Variants in SETD5 observed in about 807,000 individuals in gnomAD.
The protein encoded by SETD5 is histone-lysine N-methyltransferase SETD5.
SETD5 carries 44 observed loss-of-function variants against 153.3 expected under a neutral mutation model. That is an observed-to-expected ratio of 0.29 (90% CI 0.23 to 0.37). The LOEUF is 0.37. SETD5 is among the 10% of genes least tolerant of loss of function. The pLI, the probability that SETD5 is intolerant of heterozygous loss-of-function variation, is 1.00. For missense variants in SETD5, 1,544 were observed against 1,768.0 expected (o/e 0.87, Z 2.27); for synonymous variants, 716 against 645.2 (o/e 1.11, Z -1.66).
At chr3:9,407,195 G>A (rs150375249) in intron 1 of SETD5, among the ~76,000 whole-genome samples, 1 of 152,250 alleles carries the variant, frequency 6.6e-6, no homozygotes, top group East Asian at 1.9e-4. Context: ...GGGCATGGTG[G>A]TGCGAGCTTG....
chr3:9,430,971 A>G (rs1559392440), intron 3 of SETD5: 1 of 985,342 alleles, frequency 1.0e-6, no homozygotes, highest in East Asian at 1.1e-4. Context: ...AAGGGAAAGA[A>G]TGTCAGTAAC....
intron 18 of SETD5, among the ~76,000 whole-genome samples, chr3:9,469,551 T>C (rs2045050895): frequency 6.6e-6 from 1 of 152,212 alleles, no homozygotes; most frequent in South Asian, 2.1e-4. Context: ...ATATTAGAGA[T>C]TTTCTTGGTG....
At chr3:9,404,105 T>C (rs996043929) in intron 1 of SETD5, among the ~76,000 whole-genome samples, 1 of 152,204 alleles carries the variant, frequency 6.6e-6, no homozygotes, top group Non-Finnish European at 1.5e-5. Context: ...ATTTGTTGCT[T>C]GGGTTGAGGT....
chr3:9,453,175 CTTG>C (rs1246952794), intron 16 of SETD5, among the ~76,000 whole-genome samples: 1 of 151,994 alleles, frequency 6.6e-6, no homozygotes, highest in African/African-American at 2.4e-5. Flanking sequence ...AACCAAACTA[CTTG>C]TTGGAGGGGG....
chr3:9,472,628 T>G (rs936176106), intron 19 of SETD5, among the ~76,000 whole-genome samples: 6 of 152,212 alleles, frequency 3.9e-5, no homozygotes, highest in African/African-American at 1.2e-4. Flanking sequence ...TCTTGAAAAT[T>G]TGAACATATT....
chr3:9,441,838 G>A, intron 9 of SETD5, 97 bp downstream of exon 9: 2 of 1,470,300 alleles, frequency 1.4e-6, no homozygotes, highest in Admixed American at 1.9e-5. Context: ...GCTCTTGGGA[G>A]AAAAAAATCA....
In SETD5 at chr3:9,445,962, G is replaced by GTTTT. The variant is rs1432231015; in HGVS notation, c.1524+224_1524+225insTTTT. Among the ~76,000 whole-genome samples the GTTTT allele has an allele frequency of 2.5e-4, 30 of 120,238 alleles. 4 individuals carry two copies. The highest frequency in any genetic ancestry group is 1.7e-3 in the South Asian group (7 of 4,090). The allele number at this position is 120,238 out of a possible 152,430, so 78.9% of individuals were successfully genotyped here. A position where few individuals can be genotyped will look rare whatever the true frequency, so the allele number is the denominator to read the frequency against. On this transcript the variant is annotated intron_variant, in intron 13 of 22. Coordinates refer to ENST00000402198, the MANE Select transcript of SETD5 (RefSeq NM_001080517.3). ...TATTATCTAGTGATGGTTTGAAGAGGTTGTTTTTTTTTTTTTTTTTTTTTT... is the reference window on the plus strand; with the variant it reads ...TATTATCTAGTGATGGTTTGAAGAGGTTTTTTGTTTTTTTTTTTTTTTTTTTTTT...
chr3:9,466,002 A>G (rs1369172368), intron 18 of SETD5, among the ~76,000 whole-genome samples: 1 of 152,114 alleles, frequency 6.6e-6, no homozygotes, highest in African/African-American at 2.4e-5. Flanking sequence ...TGAAAATTAG[A>G]AGGAGGCCGG....
Position 9,447,350 on chromosome 3 carries a change from T to C in SETD5, c.1782+43T>C, listed in dbSNP as rs200874041. ...TTCAGCACTTAGACATCCTCACCTT[T>C]GCTAATGTCAATACCTAACTTTTGG... On this transcript the variant is annotated intron_variant, in intron 14 of 22. Coordinates refer to ENST00000402198, the MANE Select transcript of SETD5 (RefSeq NM_001080517.3). The C allele has an allele frequency of 7.1e-5, 111 of 1,572,474 alleles. No homozygotes were observed. The African/African-American group carries it at 1.4e-3, about 19-fold the overall frequency.
chr3:9,430,449 G>A, intron 3 of SETD5: 1 of 681,260 alleles, frequency 1.5e-6, no homozygotes, highest in Non-Finnish European at 1.8e-6. Context: ...TGTTTGTTTT[G>A]TTTTGTTTGC....
At chr3:9,467,427 C>T (rs1251352024) in intron 18 of SETD5, among the ~76,000 whole-genome samples, 1 of 151,962 alleles carries the variant, frequency 6.6e-6, no homozygotes. Flanking sequence ...CCTCTCCTTT[C>T]TACCAGAATA....
At chr3:9,435,278 C>G (rs11921561) in intron 6 of SETD5, among the ~76,000 whole-genome samples, 8,932 of 147,706 alleles carry the variant, frequency 0.06, 911 homozygotes, top group African/African-American at 0.21. Flanking sequence ...ACCCCTCTTA[C>G]AAGTTCCCAT....
At chr3:9,409,760 T>C (rs911328935) in intron 1 of SETD5, among the ~76,000 whole-genome samples, 1 of 152,236 alleles carries the variant, frequency 6.6e-6, no homozygotes, top group East Asian at 1.9e-4. Flanking sequence ...TTTATTTCTT[T>C]TTAAAAATAT....
chr3:9,463,263 C>T (rs1035106663), intron 17 of SETD5, among the ~76,000 whole-genome samples: 2 of 152,182 alleles, frequency 1.3e-5, no homozygotes, highest in African/African-American at 4.8e-5. Context: ...CTTAAGTGAT[C>T]TGCCTGCCTC....
chr3:9,442,383 A>G (rs1283135285), intron 10 of SETD5, 138 bp downstream of exon 10: 5 of 666,394 alleles, frequency 7.5e-6, no homozygotes, highest in Non-Finnish European at 1.1e-5. Flanking sequence ...GTGAAAAACA[A>G]AAGTAATGGT....
chr3:9,466,305 A>G lies in SETD5; in HGVS notation c.2724+1633A>G, dbSNP rs78543676. On this transcript the variant is annotated intron_variant, in intron 18 of 22. Transcript: ENST00000402198. ...TCCGTCTCAAAAAAAAAAAAAAAAA[A>G]AAAAGAAAATCAGAAGGTAAGTCAC... Among the ~76,000 whole-genome samples, 422 of 151,546 alleles carry G rather than the reference A, an allele frequency of 2.8e-3. 1 individual carries two copies. The highest frequency in any genetic ancestry group is 4.2e-3 in the Non-Finnish European group (286 of 67,930).
At chr3:9,472,671 T>C (rs1227600238) in intron 19 of SETD5, among the ~76,000 whole-genome samples, 1 of 152,162 alleles carries the variant, frequency 6.6e-6, no homozygotes, top group East Asian at 1.9e-4. Flanking sequence ...TTTTCTTCTG[T>C]TTTGTTTTGT....
intron 18 of SETD5, among the ~76,000 whole-genome samples, chr3:9,465,501 C>G (rs1394664667): frequency 1.3e-5 from 2 of 152,176 alleles, no homozygotes; most frequent in Non-Finnish European, 2.9e-5. Context: ...GACCACTAAA[C>G]ACACTCTGCT....
chr3:9,423,345 C>T (rs1442245173), intron 1 of SETD5: 3 of 152,170 alleles, frequency 2.0e-5, no homozygotes, highest in Admixed American at 1.3e-4. Context: ...AGAGAGTACT[C>T]GGTACTACTG....
Sources: allele counts gnomAD v4.1 joint callset (sites outside exome capture counted in the v4.1 genomes callset), GRCh38; gene constraint gnomAD v4.1.1; transcripts MANE v1.5; gene names NCBI Gene and HGNC (gene_info 2026-07-23, HGNC 2026-07-21).